TMEM233: variants seen among roughly 807,000 people sequenced by gnomAD.
The protein encoded by TMEM233 is dispanin subfamily B member 2.
In TMEM233, 6 loss-of-function variants were observed where a neutral mutation model predicts 11.2. The ratio of observed to expected loss-of-function variants is 0.54; its 90% CI spans 0.29 to 1.06. TMEM233 has a LOEUF of 1.06. Ranked by LOEUF, TMEM233 falls within the 50% of genes least tolerant of loss-of-function variation. The pLI is 0.08. For synonymous variants in TMEM233, 59 were observed against 55.8 expected (o/e 1.06, Z -0.26); for missense variants, 127 against 144.7 (o/e 0.88, Z 0.63).
intron 1 of TMEM233, among the ~76,000 whole-genome samples, chr12:119,597,695 G>C (rs2188260): frequency 0.03 from 4,507 of 152,246 alleles, 229 homozygotes; most frequent in African/African-American, 0.1. Context: ...TGGGGGTTAG[G>C]AGGTGGCACA....
At chr12:119,640,167 T>TTTTG (rs1566116344) in intron 2 of TMEM233, among the ~76,000 whole-genome samples, 1 of 151,994 alleles carries the variant, frequency 6.6e-6, no homozygotes, top group Admixed American at 6.6e-5. Context: ...TTTTGTTTTG[T>TTTTG]TTTTTGAGAT....
chr12:119,616,415 C>T (rs1264878199), intron 1 of TMEM233, among the ~76,000 whole-genome samples: 1 of 152,190 alleles, frequency 6.6e-6, no homozygotes, highest in Non-Finnish European at 1.5e-5. Flanking sequence ...TTTTAAAATA[C>T]TTTGCAGGAT....
At chr12:119,613,870 A>G (rs1954463482) in intron 1 of TMEM233, among the ~76,000 whole-genome samples, 2 of 152,112 alleles carry the variant, frequency 1.3e-5, no homozygotes, top group Admixed American at 1.3e-4. Context: ...CAGGTCAGCC[A>G]AGACCAGAAT....
At chr12:119,606,057 G>A (rs1463450980) in intron 1 of TMEM233, among the ~76,000 whole-genome samples, 1 of 152,170 alleles carries the variant, frequency 6.6e-6, no homozygotes. Flanking sequence ...AGAAACAGGA[G>A]CAAGCAAAAT....
At chr12:119,645,811 G>C (rs1392447280), downstream of TMEM233, among the ~76,000 whole-genome samples, 1 of 152,138 alleles carries the variant, frequency 6.6e-6, no homozygotes, top group East Asian at 1.9e-4. Flanking sequence ...CACCCAAGCT[G>C]TCTGCTCCTG....
Position 119,620,753 on chromosome 12 carries a change from C to T in TMEM233, c.187-8983C>T, listed in dbSNP as rs994465066. 2.6e-5 allele frequency among the ~76,000 whole-genome samples: 4 copies of T among 151,988 alleles called. 1 individual carries two copies. The highest frequency in any genetic ancestry group is 2.1e-4 in the South Asian group (1 of 4,820). On this transcript the variant is annotated intron_variant, in intron 1 of 2. Coordinates refer to ENST00000426426, the MANE Select transcript of TMEM233 (RefSeq NM_001136534.3). The stretch of plus-strand genomic sequence containing the variant: ...TCAATATAACTCATTATTTTAATCA[C>T]GAAGGGGGAAAGGAAACAAGAATAA...
intron 2 of TMEM233, among the ~76,000 whole-genome samples, chr12:119,639,843 C>T (rs1378095990): frequency 6.6e-6 from 1 of 152,124 alleles, no homozygotes; most frequent in Non-Finnish European, 1.5e-5. Flanking sequence ...ACTCTGTACT[C>T]ACTAGGTAAC....
downstream of TMEM233, among the ~76,000 whole-genome samples, chr12:119,643,564 C>T (rs1044699065): frequency 6.6e-5 from 10 of 152,000 alleles, 1 homozygote; most frequent in Admixed American, 5.9e-4. Flanking sequence ...GTCAGGCTAG[C>T]GAGACCATCC....
downstream of TMEM233, among the ~76,000 whole-genome samples, chr12:119,646,270 G>A (rs1285436303): frequency 6.6e-6 from 1 of 152,112 alleles, no homozygotes; most frequent in African/African-American, 2.4e-5. Flanking sequence ...TGTTGGCCGG[G>A]CTGGTCTCGA....
At chr12:119,627,803 A>G (rs1954794328) in intron 1 of TMEM233, among the ~76,000 whole-genome samples, 1 of 152,128 alleles carries the variant, frequency 6.6e-6, no homozygotes, top group African/African-American at 2.4e-5. Flanking sequence ...GGGAAAAGGC[A>G]CTCAAAGCTC....
At position 119,640,719 on chromosome 12, in the gene TMEM233, AGTGGGCT is replaced by A; in HGVS notation, c.*18_*24del. On this transcript the variant is annotated 3_prime_UTR_variant, in exon 3 of 3. Coordinates refer to ENST00000426426, the MANE Select transcript of TMEM233 (RefSeq NM_001136534.3). The stretch of plus-strand genomic sequence containing the variant: ...CACAGTGCCTGAGGAACCAGCGGTC[AGTGGGCT>A]GTGAGCGTGGAGGATGGACCTCATC... 3 of 1,551,022 alleles carry A rather than the reference AGTGGGCT, an allele frequency of 1.9e-6. No homozygotes were observed. Among genetic ancestry groups the A allele is most frequent in the Middle Eastern group, 1.7e-4 (1 of 5,992 alleles).
At chr12:119,602,599 C>A (rs961491756) in intron 1 of TMEM233, among the ~76,000 whole-genome samples, 1 of 152,214 alleles carries the variant, frequency 6.6e-6, no homozygotes, top group African/African-American at 2.4e-5. Context: ...TCCCCAGCAG[C>A]CCTGCCTCAT....
chr12:119,643,114 C>T (rs1955108778), downstream of TMEM233: 1 of 152,190 alleles, frequency 6.6e-6, no homozygotes, highest in Admixed American at 6.5e-5. Flanking sequence ...GGTTCCCCAC[C>T]TTCCAGAGAT....
chr12:119,653,129 C>G, the TMEM233 span, among the ~76,000 whole-genome samples: 1 of 152,132 alleles, frequency 6.6e-6, no homozygotes, highest in African/African-American at 2.4e-5. Context: ...CACAGTGGCT[C>G]ACACCTATAA....
At position 119,640,957 on chromosome 12, in the gene TMEM233, G is replaced by T; in HGVS notation, c.*252G>T. ...AAAAATGAAAAGAAAACAGAAAAAA[G>T]AAAAATGAAGTCTCACTGTCTCAGT... On this transcript the variant is annotated 3_prime_UTR_variant, in exon 3 of 3. Transcript: ENST00000426426. 1 of 486,912 alleles carries T rather than the reference G, an allele frequency of 2.1e-6. No homozygotes were observed. Among genetic ancestry groups the T allele is most frequent in the Non-Finnish European group, 3.6e-6 (1 of 276,414 alleles). The allele number at this position is 486,912 out of a possible 1,614,324, so 30.2% of individuals were successfully genotyped here. A position where few individuals can be genotyped will look rare whatever the true frequency, so the allele number is the denominator to read the frequency against.
chr12:119,615,173 TAAAAAAAAAAAAAAAAAAAA>T (rs60318959), intron 1 of TMEM233, among the ~76,000 whole-genome samples: 4 of 56,198 alleles, frequency 7.1e-5, no homozygotes, highest in South Asian at 2.3e-3. Flanking sequence ...CGCTTTCTGC[TAAAAAAAAAAAAAAAAAAAA>T]AAAAAAAAAA....
At chr12:119,598,079 G>A (rs1303673317) in intron 1 of TMEM233, among the ~76,000 whole-genome samples, 1 of 152,088 alleles carries the variant, frequency 6.6e-6, no homozygotes, top group Non-Finnish European at 1.5e-5. Context: ...TGTGGCCCTC[G>A]ACCCTGGAGA....
intron 2 of TMEM233, chr12:119,634,257 A>C: frequency 1.0e-6 from 1 of 985,368 alleles, no homozygotes; most frequent in Non-Finnish European, 1.2e-6. Context: ...GAGGAGTCGA[A>C]GCCTGAAGAT....
At chr12:119,651,825 C>CAAAAAAAA in the TMEM233 span, among the ~76,000 whole-genome samples, 1 of 79,422 alleles carries the variant, frequency 1.3e-5, no homozygotes, top group Non-Finnish European at 2.2e-5. Flanking sequence ...GACTCCGTCT[C>CAAAAAAAA]AAAAAAAAAA....
Sources: gnomAD v4.1 joint callset for allele counts (sites outside exome capture counted in the v4.1 genomes callset) on GRCh38, gnomAD v4.1.1 for gene constraint, MANE v1.5 for transcripts, NCBI Gene and HGNC (gene_info 2026-07-23, HGNC 2026-07-21) for gene names.